The following CD244 variants were observed in gnomAD, a reference collection of about 807,000 sequenced individuals.
CD244 encodes CD244 molecule.
CD244 carries 20 observed loss-of-function variants against 45.5 expected under a neutral mutation model. That is an observed-to-expected ratio of 0.44 (90% CI 0.31 to 0.64). CD244 has a LOEUF of 0.64. Among genes scored for constraint, CD244 ranks in the 30% least tolerant of loss-of-function variants. The pLI, the probability that CD244 is intolerant of heterozygous loss-of-function variation, is 0.08. For missense variants in CD244, 407 were observed against 426.9 expected (o/e 0.95, Z 0.41); for synonymous variants, 185 against 160.5 (o/e 1.15, Z -1.15).
At chr1:160,850,183 C>T (rs1669872494) in intron 1 of CD244, among the ~76,000 whole-genome samples, 1 of 151,816 alleles carries the variant, frequency 6.6e-6, no homozygotes, top group Non-Finnish European at 1.5e-5. Context: ...TATATTAGTA[C>T]AAACAGATAA....
At chr1:160,836,478 G>A (rs912093800) in intron 5 of CD244, among the ~76,000 whole-genome samples, 2 of 152,204 alleles carry the variant, frequency 1.3e-5, no homozygotes, top group Non-Finnish European at 2.9e-5. Flanking sequence ...ACCTAGGTGT[G>A]AGGGGTTCCA....
At chr1:160,834,672 C>A (rs999192510) in intron 6 of CD244, among the ~76,000 whole-genome samples, 2 of 152,182 alleles carry the variant, frequency 1.3e-5, no homozygotes, top group Non-Finnish European at 2.9e-5. Flanking sequence ...TCTTTTAACA[C>A]TCCTATAAAA....
Position 160,862,665 on chromosome 1 carries a change from C to T in CD244, c.13G>A (p.Val5Met), listed in dbSNP as rs1458429256. 6.2e-7 allele frequency: 1 copy of T among 1,614,072 alleles called. No homozygotes were observed. Among genetic ancestry groups the T allele is most frequent in the Admixed American group, 1.7e-5 (1 of 60,026 alleles). MLGQ[V>M]VTLILLLLLK... ...AGCAGGAGGAGTATGAGGGTGACCA[C>T]TTGCCCCAGCATTTCCACAGGACAG... Residue 5 changes from valine (V) to methionine (M), a missense_variant, in exon 1 of 9, where the codon GTG becomes ATG. By Grantham distance (21) the Val-to-Met change is conservative. Transcript: ENST00000368034.
intron 1 of CD244, among the ~76,000 whole-genome samples, chr1:160,846,871 G>C (rs1432989859): frequency 1.3e-5 from 2 of 152,164 alleles, no homozygotes; most frequent in Non-Finnish European, 2.9e-5. Flanking sequence ...TGGGGGGATA[G>C]AGCTGTATAG....
intron 1 of CD244, among the ~76,000 whole-genome samples, chr1:160,844,323 TA>T (rs1669651384): frequency 6.6e-6 from 1 of 152,194 alleles, no homozygotes; most frequent in Non-Finnish European, 1.5e-5. Context: ...AACTTTAAAG[TA>T]ATCATGTCTA....
intron 1 of CD244, among the ~76,000 whole-genome samples, chr1:160,855,337 C>G (rs1273262859): frequency 6.6e-6 from 1 of 152,108 alleles, no homozygotes; most frequent in Non-Finnish European, 1.5e-5. Flanking sequence ...TGTAGCTGCT[C>G]TTTGTTGCTG....
chr1:160,862,613 T>A lies in CD244; in HGVS notation c.61+4A>T. ...TCGCCCCACGCCAGGTAGGACCTCC[T>A]TACCTTTGCCCTGATACACCTTGAG... is the stretch of plus-strand genomic sequence containing the variant. On this transcript the variant is annotated splice_donor_region_variant and intron_variant, in intron 1 of 8. Coordinates refer to ENST00000368034, the MANE Select transcript of CD244 (RefSeq NM_016382.4). 3 of 1,613,418 alleles carry A rather than the reference T, an allele frequency of 1.9e-6. No homozygotes were observed. Among genetic ancestry groups the A allele is most frequent in the Non-Finnish European group, 2.5e-6 (3 of 1,179,468 alleles).
chr1:160,847,282 A>G (rs1669769564), intron 1 of CD244, among the ~76,000 whole-genome samples: 1 of 151,502 alleles, frequency 6.6e-6, no homozygotes, highest in Non-Finnish European at 1.5e-5. Context: ...CTGTCTCTCT[A>G]GCTGCTACAA....
At chr1:160,858,082 A>AT in intron 1 of CD244, among the ~76,000 whole-genome samples, 1 of 133,422 alleles carries the variant, frequency 7.5e-6, no homozygotes, top group South Asian at 2.6e-4. Flanking sequence ...AAAATAAAAA[A>AT]TTAAAAAAAA....
Position 160,832,526 on chromosome 1 carries a change from T to C in CD244, c.1010A>G (p.Tyr337Cys). The C allele has an allele frequency of 1.2e-6, 2 of 1,601,006 alleles. No homozygotes were observed. The highest frequency in any genetic ancestry group is 1.3e-5 in the African/African-American group (1 of 74,474). The part of the protein sequence containing the change: ...NHSPSFNSTI[Y>C]EVIGKSQPKA... The stretch of plus-strand genomic sequence containing the variant: ...GGAGTTCCAGAATCTTACCACTTCA[T>C]AGATAGTGCTATTGAAGGAAGGGCT... The change falls in exon 8 of 9, where the codon TAT becomes TGT. Residue 337 changes from tyrosine to cysteine, a missense_variant. By Grantham distance (194) the Tyr-to-Cys change is radical (BLOSUM62 -2). Transcript: ENST00000368034.
chr1:160,843,875 T>C (rs1170635755), intron 1 of CD244, among the ~76,000 whole-genome samples: 1 of 152,224 alleles, frequency 6.6e-6, no homozygotes, highest in Non-Finnish European at 1.5e-5. Context: ...GCTGAGAAGC[T>C]GAGCAGAGCT....
intron 1 of CD244, among the ~76,000 whole-genome samples, chr1:160,850,941 A>G (rs1033725536): frequency 6.6e-6 from 1 of 152,206 alleles, no homozygotes; most frequent in Admixed American, 6.5e-5. Context: ...CTTGGGTTCA[A>G]TTAATTTGCT....
At chr1:160,852,847 A>AC (rs1265175588) in intron 1 of CD244, among the ~76,000 whole-genome samples, 1 of 151,894 alleles carries the variant, frequency 6.6e-6, no homozygotes, top group Non-Finnish European at 1.5e-5. Context: ...ACATGGTGAA[A>AC]CCCCATCTCA....
chr1:160,859,699 G>C (rs1357008655), intron 1 of CD244, among the ~76,000 whole-genome samples: 2 of 149,818 alleles, frequency 1.3e-5, no homozygotes, highest in East Asian at 2.0e-4. Flanking sequence ...CTGAGCCCGG[G>C]AGTTCAAGAC....
intron 1 of CD244, among the ~76,000 whole-genome samples, chr1:160,858,879 T>C (rs1670198440): frequency 6.6e-6 from 1 of 152,188 alleles, no homozygotes; most frequent in South Asian, 2.1e-4. Flanking sequence ...AAGTATCTAC[T>C]GAGGGTTGAC....
In CD244 at chr1:160,834,123, A is replaced by G; in HGVS notation, c.895-7T>C. The G allele has an allele frequency of 6.3e-7, 1 of 1,580,600 alleles. No individual in the cohort carries two copies. Among genetic ancestry groups the G allele is most frequent in the Non-Finnish European group, 8.7e-7 (1 of 1,149,464 alleles). ...GTGACGTGGGAGCAGAAGACTAATG[A>G]GAAGAGAAATAAAATCATTTCAGAA... On this transcript the variant is annotated splice_polypyrimidine_tract_variant and splice_region_variant and intron_variant, in intron 6 of 8. Coordinates refer to ENST00000368034, the MANE Select transcript of CD244 (RefSeq NM_016382.4).
At chr1:160,851,759 T>C (rs191490051) in intron 1 of CD244, among the ~76,000 whole-genome samples, 29 of 152,308 alleles carry the variant, frequency 1.9e-4, no homozygotes, top group Admixed American at 4.6e-4. Flanking sequence ...CCAAGGCTTG[T>C]CTTGAACTCC....
intron 1 of CD244, among the ~76,000 whole-genome samples, chr1:160,859,476 G>A (rs545383036): frequency 3.9e-5 from 6 of 152,284 alleles, no homozygotes; most frequent in Admixed American, 3.9e-4. Flanking sequence ...AAATTTCACT[G>A]TCATCATATG....
chr1:160,833,436 A>G (rs1669210993), intron 7 of CD244, among the ~76,000 whole-genome samples: 1 of 152,142 alleles, frequency 6.6e-6, no homozygotes, highest in Admixed American at 6.5e-5. Context: ...CACTCTTCCC[A>G]TCCCCTTCCA....
Sources: gnomAD v4.1 joint callset for allele counts (sites outside exome capture counted in the v4.1 genomes callset) on GRCh38, gnomAD v4.1.1 for gene constraint, MANE v1.5 for transcripts, NCBI Gene and HGNC (gene_info 2026-07-23, HGNC 2026-07-21) for gene names.